CSMD1: variants seen among roughly 807,000 people sequenced by gnomAD.
The protein encoded by CSMD1 is CUB and sushi domain-containing protein 1.
Under a neutral mutation model 417.5 loss-of-function variants are expected in CSMD1, and 213 were observed. That is an observed-to-expected ratio of 0.51 (90% CI 0.46 to 0.57). The LOEUF (loss-of-function observed/expected upper bound fraction) is 0.57, where lower values mean the gene tolerates loss of function less well. Ranked by LOEUF, CSMD1 falls within the 20% of genes least tolerant of loss-of-function variation. The pLI is 0.00. For missense variants in CSMD1, 6,923 were observed against 4,529.7 expected (o/e 1.53, Z -15.17); for synonymous variants, 2,862 against 1,736.8 (o/e 1.65, Z -16.11).
chr8:4,041,129 G>A lies in CSMD1; in HGVS notation c.416-9030C>T, dbSNP rs565546758. Among the ~76,000 whole-genome samples, 1,295 of 147,634 alleles carry A rather than the reference G, an allele frequency of 8.8e-3. 5 individuals carry two copies. The highest frequency in any genetic ancestry group is 0.025 in the Middle Eastern group (7 of 282). On this transcript the variant is annotated intron_variant, in intron 3 of 69. Transcript: ENST00000635120. ...CCTCCCGGGTTCCCGCCATTCTCCT[G>A]CCTCAGCCTCCCGAGTAGCTGGGAC...
intron 3 of CSMD1, among the ~76,000 whole-genome samples, chr8:4,062,425 G>C (rs572468781): frequency 4.6e-5 from 7 of 152,050 alleles, no homozygotes; most frequent in Non-Finnish European, 8.8e-5. Context: ...ACGTATTCTA[G>C]AAATTTTCTA....
At chr8:3,680,098 C>T (rs533164364) in intron 7 of CSMD1, among the ~76,000 whole-genome samples, 1 of 151,854 alleles carries the variant, frequency 6.6e-6, no homozygotes, top group Non-Finnish European at 1.5e-5. Flanking sequence ...GACCTATAAT[C>T]GACACCATAA....
At chr8:4,971,763 T>C (rs1388979972) in intron 1 of CSMD1, among the ~76,000 whole-genome samples, 1 of 151,790 alleles carries the variant, frequency 6.6e-6, no homozygotes, top group Non-Finnish European at 1.5e-5. Context: ...TATGTCCTAA[T>C]TCCTCTAAAA....
At chr8:4,279,269 A>G (rs1479801269) in intron 3 of CSMD1, among the ~76,000 whole-genome samples, 1 of 152,196 alleles carries the variant, frequency 6.6e-6, no homozygotes, top group Non-Finnish European at 1.5e-5. Context: ...TGAAACACTT[A>G]TATTTAGTGT....
intron 5 of CSMD1, among the ~76,000 whole-genome samples, chr8:3,904,269 C>G (rs1033259442): frequency 1.3e-5 from 2 of 152,184 alleles, no homozygotes; most frequent in East Asian, 1.9e-4. Context: ...CCTTACCAAA[C>G]AAATCATAGG....
intron 26 of CSMD1, among the ~76,000 whole-genome samples, chr8:3,277,138 T>C (rs1802354329): frequency 6.6e-6 from 1 of 152,146 alleles, no homozygotes; most frequent in Non-Finnish European, 1.5e-5. Context: ...TAGAGGTTTC[T>C]GTAGGCTTTG....
chr8:4,109,301 T>C (rs565199798), intron 3 of CSMD1, among the ~76,000 whole-genome samples: 2 of 152,282 alleles, frequency 1.3e-5, no homozygotes, highest in South Asian at 2.1e-4. Context: ...GGAGCAGCTG[T>C]ATTTTTTTTC....
intron 1 of CSMD1, among the ~76,000 whole-genome samples, chr8:4,970,916 G>T (rs926661201): frequency 6.6e-6 from 1 of 152,056 alleles, no homozygotes; most frequent in Non-Finnish European, 1.5e-5. Flanking sequence ...TGTAATAAAG[G>T]TTGGAGTTAC....
intron 4 of CSMD1, among the ~76,000 whole-genome samples, chr8:4,001,426 G>T (rs975753207): frequency 6.6e-6 from 1 of 152,118 alleles, no homozygotes; most frequent in Admixed American, 6.6e-5. Flanking sequence ...AGTTTGTAGG[G>T]CTCCGGGTAG....
intron 10 of CSMD1, among the ~76,000 whole-genome samples, chr8:3,555,801 T>C (rs899571610): frequency 6.6e-6 from 1 of 152,206 alleles, no homozygotes; most frequent in Non-Finnish European, 1.5e-5. Flanking sequence ...AGGCAGACAG[T>C]TGTATGGTTA....
At chr8:3,955,321 G>A (rs1158587206) in intron 5 of CSMD1, among the ~76,000 whole-genome samples, 2 of 152,128 alleles carry the variant, frequency 1.3e-5, no homozygotes. Context: ...TGTTCTTGGT[G>A]AAACTCCATG....
At chr8:4,328,411 A>C (rs1361474829) in intron 3 of CSMD1, among the ~76,000 whole-genome samples, 1 of 151,916 alleles carries the variant, frequency 6.6e-6, no homozygotes, top group Non-Finnish European at 1.5e-5. Flanking sequence ...TCTACTTTTG[A>C]GTAGTTTTAA....
At chr8:4,819,849 T>C (rs994851943) in intron 1 of CSMD1, among the ~76,000 whole-genome samples, 1 of 151,864 alleles carries the variant, frequency 6.6e-6, no homozygotes, top group African/African-American at 2.4e-5. Context: ...AGCAAACGAG[T>C]GTAGGGAACC....
intron 2 of CSMD1, among the ~76,000 whole-genome samples, chr8:4,556,506 A>G (rs992441484): frequency 6.6e-6 from 1 of 152,150 alleles, no homozygotes; most frequent in Non-Finnish European, 1.5e-5. Context: ...AGCACCCCGA[A>G]TAATCGAATT....
At chr8:3,846,463 C>G (rs1161194864) in intron 5 of CSMD1, among the ~76,000 whole-genome samples, 2 of 152,058 alleles carry the variant, frequency 1.3e-5, no homozygotes, top group African/African-American at 4.8e-5. Context: ...TCAAAATAAC[C>G]TTCCTCTCAG....
At chr8:3,499,188 G>A (rs1187363986) in intron 10 of CSMD1, among the ~76,000 whole-genome samples, 25 of 152,164 alleles carry the variant, frequency 1.6e-4, no homozygotes, top group Admixed American at 1.6e-3. Context: ...TGTCAGTTGG[G>A]TAGGGTGCTT....
At chr8:3,415,493 G>C (rs1447951437) in intron 12 of CSMD1, among the ~76,000 whole-genome samples, 2 of 152,166 alleles carry the variant, frequency 1.3e-5, no homozygotes, top group African/African-American at 4.8e-5. Flanking sequence ...GCATATCTGG[G>C]ATTATACGCA....
chr8:4,082,836 T>C (rs1223018034), intron 3 of CSMD1, among the ~76,000 whole-genome samples: 1 of 143,608 alleles, frequency 7.0e-6, no homozygotes, highest in African/African-American at 2.6e-5. Flanking sequence ...CATTATTCAA[T>C]TTCCACCTAT....
chr8:3,972,427 G>T (rs978950404), intron 5 of CSMD1, among the ~76,000 whole-genome samples: 4 of 152,114 alleles, frequency 2.6e-5, no homozygotes, highest in African/African-American at 4.8e-5. Context: ...AACATTTAAT[G>T]TAACTTTAGG....
Sources: gnomAD v4.1 joint callset for allele counts (sites outside exome capture counted in the v4.1 genomes callset) on GRCh38, gnomAD v4.1.1 for gene constraint, MANE v1.5 for transcripts, NCBI Gene and HGNC (gene_info 2026-07-23, HGNC 2026-07-21) for gene names.